FDFT1: variants seen among roughly 807,000 people sequenced by gnomAD.
FDFT1 encodes farnesyl-diphosphate farnesyltransferase 1, also known as squalene synthase.
In FDFT1, 68 loss-of-function variants were observed where a neutral mutation model predicts 46.8. The ratio of observed to expected loss-of-function variants is 1.45; its 90% confidence interval spans 1.19 to 1.78. The LOEUF is 1.78. FDFT1 is among the 40% of genes most tolerant of loss of function. The pLI is 0.00. For synonymous variants in FDFT1, 351 were observed against 185.1 expected, an observed-to-expected ratio of 1.90 and a Z score of -7.28; for missense variants, 928 against 524.4, an observed-to-expected ratio of 1.77 and a Z score of -7.52.
At chr8:11,800,028 G>A (rs1309201873), upstream of FDFT1, among the ~76,000 whole-genome samples, 2 of 133,312 alleles carry the variant, frequency 1.5e-5, no homozygotes, top group South Asian at 2.4e-4. Flanking sequence ...TTGGGAGGCC[G>A]AGGAGGGTGG....
At chr8:11,827,895 C>G (rs866905280) in intron 5 of FDFT1, among the ~76,000 whole-genome samples, 2 of 137,452 alleles carry the variant, frequency 1.5e-5, no homozygotes, top group African/African-American at 5.8e-5. Context: ...CAAAACAAAA[C>G]AAAACAAAAA....
chr8:11,809,121 G>A (rs1205350294), intron 2 of FDFT1: 1 of 1,312,916 alleles, frequency 7.6e-7, no homozygotes, highest in Non-Finnish European at 9.8e-7. Flanking sequence ...GGGAGGGGGT[G>A]ATGTTTATTA....
intron 1 of FDFT1, chr8:11,808,363 G>A (rs1246403669): frequency 1.2e-5 from 15 of 1,234,788 alleles, no homozygotes; most frequent in Non-Finnish European, 1.4e-5. Context: ...GGAGCGGGAG[G>A]CCGGGGGCGG....
chr8:11,800,088 T>C (rs1467815689), upstream of FDFT1, among the ~76,000 whole-genome samples: 1 of 150,568 alleles, frequency 6.6e-6, no homozygotes, highest in East Asian at 2.0e-4. Flanking sequence ...GGTGAAACCC[T>C]GTCTCTACTA....
intron 3 of FDFT1, among the ~76,000 whole-genome samples, chr8:11,817,896 T>C (rs187371101): frequency 3.4e-4 from 51 of 152,156 alleles, no homozygotes; most frequent in African/African-American, 1.0e-3. Context: ...TTCTTGCCTT[T>C]TACTAGCTTT....
chr8:11,833,784 C>G (rs997008037), intron 7 of FDFT1, among the ~76,000 whole-genome samples: 1 of 152,150 alleles, frequency 6.6e-6, no homozygotes, highest in Non-Finnish European at 1.5e-5. Flanking sequence ...TATTTTTTGG[C>G]CCTTGAATAA....
At position 11,802,757 on chromosome 8, in the gene FDFT1, A is replaced by G. The variant is rs1002447670; in HGVS notation, c.-76A>G. 61 of 1,169,362 alleles carry G rather than the reference A, an allele frequency of 5.2e-5. No homozygotes were observed. The highest frequency in any genetic ancestry group is 4.2e-4 in the Middle Eastern group (2 of 4,816). 72.4% of individuals were successfully genotyped at this position (1,169,362 alleles called of 1,614,324 possible). Reference sequence around the variant, plus strand: ...CAGCCCCTCGAAGCACCTACTCCACAGGTCCAGCCGGCCGGTGAGCGCCTG... The same window carrying G: ...CAGCCCCTCGAAGCACCTACTCCACGGGTCCAGCCGGCCGGTGAGCGCCTG... On this transcript the variant is annotated 5_prime_UTR_variant, in exon 1 of 8. Transcript: ENST00000220584.
In FDFT1 at chr8:11,838,578, CAGA is replaced by C; in HGVS notation, c.1227_1229del (p.Glu409del). 1 of 1,613,982 alleles carries C rather than the reference CAGA, an allele frequency of 6.2e-7. No homozygotes were observed. The highest frequency in any genetic ancestry group is 8.5e-7 in the Non-Finnish European group (1 of 1,179,914). ...TACCTGACCACTCTCTCCCAGGTAA[CAGA>C]AGACTATGTTCAGACTGGAGAACAC... is the stretch of plus-strand genomic sequence containing the variant. On this transcript the variant is annotated inframe_deletion, in exon 8 of 8. Transcript: ENST00000220584.
chr8:11,805,376 G>T (rs10098874), intron 1 of FDFT1, among the ~76,000 whole-genome samples: 1 of 152,046 alleles, frequency 6.6e-6, no homozygotes, highest in East Asian at 1.9e-4. Context: ...GGCATATGCC[G>T]CCTGCAAGTT....
At chr8:11,810,124 C>T in intron 3 of FDFT1, 2 of 407,006 alleles carry the variant, frequency 4.9e-6, no homozygotes, top group Non-Finnish European at 4.4e-6. Context: ...TAACACCTAC[C>T]TCATGGTATT....
rs139900350 is a variant in FDFT1 at position 11,834,545 on chromosome 8, G to A, written c.1032+2875G>A. On this transcript the variant is annotated intron_variant, in intron 7 of 7. Coordinates refer to ENST00000220584, the MANE Select transcript of FDFT1 (RefSeq NM_004462.5). ...CAAGGATGGTCCCCAGCCAGCAGCT[G>A]CCAGGAATCACCTGGGAGCCCATTA... is the stretch of plus-strand genomic sequence containing the variant. Among the ~76,000 whole-genome samples, 16 of 152,292 alleles carry A rather than the reference G, an allele frequency of 1.1e-4. No homozygotes were observed. In the East Asian group the frequency reaches 2.5e-3, roughly 24 times the overall value.
intron 3 of FDFT1, among the ~76,000 whole-genome samples, chr8:11,815,393 G>A (rs941543277): frequency 6.6e-6 from 1 of 152,198 alleles, no homozygotes; most frequent in African/African-American, 2.4e-5. Context: ...CCAGTAATGG[G>A]ATTGCTGGGT....
At chr8:11,814,370 G>A (rs939851682) in intron 3 of FDFT1, among the ~76,000 whole-genome samples, 2 of 146,982 alleles carry the variant, frequency 1.4e-5, no homozygotes, top group African/African-American at 5.1e-5. Flanking sequence ...CCTAAATTAT[G>A]TGTATTCCTG....
At chr8:11,833,742 C>G (rs941624213) in intron 7 of FDFT1, among the ~76,000 whole-genome samples, 1 of 152,172 alleles carries the variant, frequency 6.6e-6, no homozygotes, top group African/African-American at 2.4e-5. Context: ...AGTTGAGGAG[C>G]TGCAACAGGC....
At chr8:11,806,838 T>A (rs1806907582) in intron 1 of FDFT1, among the ~76,000 whole-genome samples, 1 of 152,206 alleles carries the variant, frequency 6.6e-6, no homozygotes, top group Non-Finnish European at 1.5e-5. Context: ...AATGTCTTCA[T>A]TTATTCATGA....
At chr8:11,821,037 G>C (rs1809168642) in intron 3 of FDFT1, among the ~76,000 whole-genome samples, 3 of 152,314 alleles carry the variant, frequency 2.0e-5, no homozygotes, top group East Asian at 1.9e-4. Context: ...TTGTTGCCCT[G>C]ATGTATATCC....
chr8:11,828,814 C>G (rs1810372183), intron 5 of FDFT1, among the ~76,000 whole-genome samples: 1 of 152,236 alleles, frequency 6.6e-6, no homozygotes, highest in African/African-American at 2.4e-5. Context: ...TTCAGGGCTC[C>G]TCCATGCTGG....
At chr8:11,804,535 C>G (rs1585855230) in intron 1 of FDFT1, among the ~76,000 whole-genome samples, 1 of 151,508 alleles carries the variant, frequency 6.6e-6, no homozygotes, top group Non-Finnish European at 1.5e-5. Flanking sequence ...AATACCTGAA[C>G]CTTTAATTAG....
At chr8:11,830,483 G>A in intron 6 of FDFT1, 63 bp downstream of exon 6, 5 of 1,178,406 alleles carry the variant, frequency 4.2e-6, no homozygotes, top group Admixed American at 1.9e-5. Context: ...GAGTAAGGGT[G>A]GATTTTGCTG....
Sources: gnomAD v4.1 joint callset for allele counts (sites outside exome capture counted in the v4.1 genomes callset) on GRCh38, gnomAD v4.1.1 for gene constraint, MANE v1.5 for transcripts, NCBI Gene and HGNC (gene_info 2026-07-23, HGNC 2026-07-21) for gene names.